The following KCNAB1 variants were observed in gnomAD, a reference collection of about 807,000 sequenced individuals.
The protein encoded by KCNAB1 is potassium voltage-gated channel subfamily A regulatory beta subunit 1.
A neutral mutation model predicts 64.6 loss-of-function variants in KCNAB1; 35 were observed. The observed-to-expected ratio is 0.54, with a 90% CI of 0.41 to 0.72. KCNAB1 has a LOEUF of 0.72. KCNAB1 is among the 30% of genes least tolerant of loss of function. KCNAB1 has a pLI of 0.00. For missense variants in KCNAB1, 401 were observed against 512.9 expected, an observed-to-expected ratio of 0.78 and a Z score of 2.11; for synonymous variants, 177 against 183.8, an observed-to-expected ratio of 0.96 and a Z score of 0.30.
In KCNAB1 at chr3:156,457,456, G is replaced by T; in HGVS notation, c.361G>T (p.Ala121Ser). 1.2e-6 allele frequency: 2 copies of T among 1,613,830 alleles called. No homozygotes were observed. The highest frequency in any genetic ancestry group is 1.7e-6 in the Non-Finnish European group (2 of 1,179,770). ...TGACCTTTCTCTCCCCTTGCAGGTTGCTGAACGGCTGATGACCATCGCCTA... is the reference window on the plus strand; with the variant it reads ...TGACCTTTCTCTCCCCTTGCAGGTTTCTGAACGGCTGATGACCATCGCCTA... ...TFGGQISDEV[A>S]ERLMTIAYES... is the part of the protein sequence containing the mutation. Residue 121 changes from alanine to serine, a missense_variant, in exon 4 of 14, where the codon GCT (alanine) becomes TCT (serine). Coordinates refer to ENST00000490337, the MANE Select transcript of KCNAB1 (RefSeq NM_172160.3).
chr3:156,349,263 C>G (rs1032765630), intron 1 of KCNAB1, among the ~76,000 whole-genome samples: 3 of 152,280 alleles, frequency 2.0e-5, no homozygotes, highest in African/African-American at 7.2e-5. Context: ...ACAGTGCATT[C>G]ACATCATGTT....
intron 1 of KCNAB1, among the ~76,000 whole-genome samples, chr3:156,196,172 C>A (rs200484789): frequency 6.6e-6 from 1 of 152,076 alleles, no homozygotes; most frequent in East Asian, 1.9e-4. Context: ...CATTACCATG[C>A]TGTTTTGGTA....
intron 1 of KCNAB1, among the ~76,000 whole-genome samples, chr3:156,284,862 A>G (rs888613189): frequency 6.6e-6 from 1 of 152,136 alleles, no homozygotes; most frequent in African/African-American, 2.4e-5. Context: ...CTGCGCCCAC[A>G]GTCTGGCACT....
At chr3:156,234,008 G>A (rs1232201002) in intron 1 of KCNAB1, among the ~76,000 whole-genome samples, 3 of 151,854 alleles carry the variant, frequency 2.0e-5, no homozygotes, top group South Asian at 2.1e-4. Context: ...TAGAGTTTAC[G>A]AGAGACACCT....
intron 1 of KCNAB1, among the ~76,000 whole-genome samples, chr3:156,392,118 C>T (rs1713086430): frequency 1.3e-5 from 2 of 152,170 alleles, no homozygotes; most frequent in African/African-American, 2.4e-5. Flanking sequence ...AGCCATTCTC[C>T]TACCCCTACT....
intron 1 of KCNAB1, among the ~76,000 whole-genome samples, chr3:156,174,370 A>G (rs1238070011): frequency 6.6e-6 from 1 of 152,258 alleles, no homozygotes; most frequent in Admixed American, 6.5e-5. Context: ...GCTTATAAGG[A>G]GGAGCTGCTT....
rs6441052 is a variant in KCNAB1, at chr3:156,207,100, C to G, written c.275+86214C>G. 2.8e-3 allele frequency among the ~76,000 whole-genome samples: 422 copies of G among 152,318 alleles called. 3 individuals carry two copies. The highest frequency in any genetic ancestry group is 9.4e-3 in the African/African-American group (390 of 41,582). ...ATTATCTTCTTTCTCCAGATGCACTCTCTTTGCTTCTCTACCCTGCTCTGC... is the reference window on the plus strand; with the variant it reads ...ATTATCTTCTTTCTCCAGATGCACTGTCTTTGCTTCTCTACCCTGCTCTGC... On this transcript the variant is annotated intron_variant, in intron 1 of 13. Coordinates refer to ENST00000490337, the MANE Select transcript of KCNAB1 (RefSeq NM_172160.3).
intron 1 of KCNAB1, among the ~76,000 whole-genome samples, chr3:156,385,543 C>A (rs1399494185): frequency 1.3e-5 from 2 of 151,380 alleles, no homozygotes; most frequent in East Asian, 3.9e-4. Flanking sequence ...AACATTATTT[C>A]AAAATTAAAT....
At chr3:156,513,038 C>T (rs1717316448) in intron 8 of KCNAB1, among the ~76,000 whole-genome samples, 1 of 152,172 alleles carries the variant, frequency 6.6e-6, no homozygotes, top group Non-Finnish European at 1.5e-5. Context: ...CGGTGAAACC[C>T]TGTCTCTACC....
chr3:156,410,191 C>CTACTG (rs1714548549), intron 1 of KCNAB1, among the ~76,000 whole-genome samples: 3 of 152,180 alleles, frequency 2.0e-5, no homozygotes, highest in Non-Finnish European at 4.4e-5. Context: ...CTGTTCAAGG[C>CTACTG]TTCCTTACTG....
intron 7 of KCNAB1, among the ~76,000 whole-genome samples, chr3:156,466,863 A>G (rs1713431654): frequency 6.6e-6 from 1 of 152,090 alleles, no homozygotes; most frequent in Non-Finnish European, 1.5e-5. Flanking sequence ...GCTTGTCTAT[A>G]TATTATCAAA....
In KCNAB1 at chr3:156,504,752, T is replaced by TG. The variant is rs1460015504; in HGVS notation, c.659-9612_659-9611insG. Among the ~76,000 whole-genome samples the TG allele has an allele frequency of 1.9e-3, 115 of 60,390 alleles. 2 individuals carry two copies. In the South Asian group the frequency reaches 0.058, roughly 30 times the overall value. 39.6% of individuals were successfully genotyped at this position (60,390 alleles called of 152,430 possible). A position where few individuals can be genotyped will look rare whatever the true frequency, so the allele number is the denominator to read the frequency against. Reference sequence around the variant, plus strand: ...ACTTGTTTTGTTTTTGTTTTTTTTGTTTTTTTTTTTTTGCTGCTGAGTTGT... The same window carrying TG: ...ACTTGTTTTGTTTTTGTTTTTTTTGTGTTTTTTTTTTTTGCTGCTGAGTTGT... On this transcript the variant is annotated intron_variant, in intron 8 of 13. Coordinates refer to ENST00000490337, the MANE Select transcript of KCNAB1 (RefSeq NM_172160.3).
intron 8 of KCNAB1, among the ~76,000 whole-genome samples, chr3:156,485,383 A>G (rs1042516845): frequency 1.3e-5 from 2 of 152,032 alleles, no homozygotes; most frequent in Non-Finnish European, 2.9e-5. Context: ...GTTCTTTGCC[A>G]TTGTGACATT....
intron 1 of KCNAB1, among the ~76,000 whole-genome samples, chr3:156,351,641 C>G (rs1042528055): frequency 2.0e-5 from 3 of 152,256 alleles, no homozygotes; most frequent in African/African-American, 7.2e-5. Context: ...AGAAGCTCCA[C>G]TCAGTCGCTA....
rs188315367 is a variant in KCNAB1, at chr3:156,328,160, T to C, written c.276-93456T>C. ...AAAAATGCTTGGCCTATCAGGGAGCTGCATGTCGTTTGCAGTGGGATAGCA... is the reference window on the plus strand; with the variant it reads ...AAAAATGCTTGGCCTATCAGGGAGCCGCATGTCGTTTGCAGTGGGATAGCA... On this transcript the variant is annotated intron_variant, in intron 1 of 13. Transcript: ENST00000490337. Among the ~76,000 whole-genome samples the C allele has an allele frequency of 5.5e-3, 843 of 152,232 alleles. 10 individuals carry two copies. Among genetic ancestry groups the C allele is most frequent in the African/African-American group, 0.019 (807 of 41,550 alleles).
intron 1 of KCNAB1, among the ~76,000 whole-genome samples, chr3:156,159,640 A>G (rs1174592832): frequency 6.6e-6 from 1 of 152,196 alleles, no homozygotes; most frequent in Non-Finnish European, 1.5e-5. Context: ...CTAAGTGCAC[A>G]GTATTTTAGA....
intron 1 of KCNAB1, among the ~76,000 whole-genome samples, chr3:156,127,776 T>C (rs1232979693): frequency 6.6e-6 from 1 of 152,022 alleles, no homozygotes; most frequent in East Asian, 1.9e-4. Context: ...TCCATGGGAG[T>C]AGCCAAATGC....
At chr3:156,306,515 T>C (rs953026688) in intron 1 of KCNAB1, among the ~76,000 whole-genome samples, 11 of 152,226 alleles carry the variant, frequency 7.2e-5, no homozygotes, top group Admixed American at 2.0e-4. Flanking sequence ...TTCAAGCAAG[T>C]AGCTTATGTA....
intron 8 of KCNAB1, among the ~76,000 whole-genome samples, chr3:156,491,372 A>C (rs952258253): frequency 6.6e-6 from 1 of 152,154 alleles, no homozygotes; most frequent in Non-Finnish European, 1.5e-5. Context: ...GTTTCTTATC[A>C]GCTTGACCAT....
Sources: allele counts gnomAD v4.1 joint callset (sites outside exome capture counted in the v4.1 genomes callset), GRCh38; gene constraint gnomAD v4.1.1; transcripts MANE v1.5; gene names NCBI Gene and HGNC (gene_info 2026-07-23, HGNC 2026-07-21).